The following LINGO1 variants were observed in gnomAD, a reference collection of about 807,000 sequenced individuals.
LINGO1 encodes leucine rich repeat and Ig domain containing 1.
In LINGO1, 11 loss-of-function variants were observed where a neutral mutation model predicts 37.3. The observed-to-expected ratio is 0.29, with a 90% confidence interval of 0.19 to 0.49. LINGO1 has a LOEUF of 0.49. Ranked by LOEUF, LINGO1 falls within the 20% of genes least tolerant of loss-of-function variation. The pLI is 0.99. For missense variants in LINGO1, 585 were observed against 878.2 expected (o/e 0.67, Z 4.22); for synonymous variants, 387 against 403.0 (o/e 0.96, Z 0.48).
chr15:77,728,498 C>T (rs1041419505), intron 2 of LINGO1, among the ~76,000 whole-genome samples: 3 of 152,252 alleles, frequency 2.0e-5, no homozygotes, highest in African/African-American at 7.2e-5. Context: ...CACTCCTACC[C>T]TCTCCTCCCA....
At chr15:77,795,781 C>T (rs1051661565) in intron 2 of LINGO1, among the ~76,000 whole-genome samples, 4 of 152,250 alleles carry the variant, frequency 2.6e-5, no homozygotes, top group Non-Finnish European at 4.4e-5. Context: ...CTGCTTCAGC[C>T]AGGTCTGGCA....
chr15:77,739,668 A>G (rs2141346243), intron 1 of LINGO1, among the ~76,000 whole-genome samples: 1 of 152,342 alleles, frequency 6.6e-6, no homozygotes, highest in South Asian at 2.1e-4. Flanking sequence ...GTTACCAGCC[A>G]GCCTGGGGGT....
chr15:77,641,978 G>A (rs1242337576), intron 3 of LINGO1: 1 of 456,690 alleles, frequency 2.2e-6, no homozygotes, highest in Non-Finnish European at 4.4e-6. Flanking sequence ...TGCCCTCTCT[G>A]AGCCGCTTTC....
chr15:77,747,827 AT>A lies in LINGO1; in HGVS notation c.-256-12775del, dbSNP rs1464891458. 2.0e-5 allele frequency among the ~76,000 whole-genome samples: 3 copies of A among 152,282 alleles called. No individual in the cohort carries two copies. In the East Asian group the frequency reaches 5.8e-4, roughly 29 times the overall value. On this transcript the variant is annotated intron_variant, in intron 1 of 3. Transcript: ENST00000561686. ...TAAAGTCTCTTATTAAAGTGAAACT[AT>A]CCCAGAGAGAATCATACCCTCAGTC...
chr15:77,668,475 G>C (rs1323073338), intron 3 of LINGO1, among the ~76,000 whole-genome samples: 1 of 152,130 alleles, frequency 6.6e-6, no homozygotes, highest in Non-Finnish European at 1.5e-5. Context: ...TGTCACGCAG[G>C]GCAGCCCTTC....
upstream of LINGO1, chr15:77,634,195 C>A: frequency 2.2e-6 from 1 of 453,698 alleles, no homozygotes; most frequent in Admixed American, 2.4e-5. Flanking sequence ...CTGGTTGCCA[C>A]GGAGGGACCT....
chr15:77,729,431 T>C (rs1313774364), intron 2 of LINGO1, among the ~76,000 whole-genome samples: 1 of 152,130 alleles, frequency 6.6e-6, no homozygotes, highest in East Asian at 1.9e-4. Context: ...TAACCCTTGC[T>C]CCTCCCTGTG....
rs539425012 is a variant in LINGO1 at position 77,723,856 on chromosome 15, G to A, written c.-195+11136C>T. ...GGGGGCAACAGTTCCAAACGGAGCC[G>A]AGGCGGCTGTGAGGTAAGTCGGGGC... On this transcript the variant is annotated intron_variant, in intron 2 of 3. Coordinates refer to the LINGO1 transcript ENST00000561686. 3.3e-5 allele frequency among the ~76,000 whole-genome samples: 5 copies of A among 152,296 alleles called. No individual in the cohort carries two copies. In the South Asian group the frequency reaches 6.2e-4, roughly 19 times the overall value.
chr15:77,726,079 C>G (rs924020434), intron 2 of LINGO1, among the ~76,000 whole-genome samples: 4 of 152,248 alleles, frequency 2.6e-5, no homozygotes, highest in Admixed American at 1.3e-4. Context: ...GCACCTTCAT[C>G]TGAGTCATCG....
chr15:77,799,749 C>G (rs1332113921), intron 1 of LINGO1, among the ~76,000 whole-genome samples: 1 of 152,232 alleles, frequency 6.6e-6, no homozygotes, highest in Non-Finnish European at 1.5e-5. Flanking sequence ...GTCCCTATCT[C>G]TGTCAGCAGC....
chr15:77,688,632 G>A (rs1482965704), intron 2 of LINGO1, among the ~76,000 whole-genome samples: 1 of 152,162 alleles, frequency 6.6e-6, no homozygotes, highest in Non-Finnish European at 1.5e-5. Context: ...CCTAGCATTT[G>A]GCTGCAGTCG....
chr15:77,728,926 C>T (rs564406278), intron 2 of LINGO1, among the ~76,000 whole-genome samples: 5 of 152,382 alleles, frequency 3.3e-5, no homozygotes, highest in African/African-American at 9.6e-5. Context: ...GCTGTTATTA[C>T]TCTGGGTCTG....
At chr15:77,709,673 C>A (rs1370981116) in intron 2 of LINGO1, among the ~76,000 whole-genome samples, 5 of 152,264 alleles carry the variant, frequency 3.3e-5, no homozygotes, top group African/African-American at 1.2e-4. Flanking sequence ...TTTCCCAACT[C>A]TCTCCTGAAG....
chr15:77,762,651 C>T (rs1596200910), intron 1 of LINGO1, among the ~76,000 whole-genome samples: 1 of 152,272 alleles, frequency 6.6e-6, no homozygotes, highest in African/African-American at 2.4e-5. Context: ...TTTGGCCAAG[C>T]GGGACCACCC....
At chr15:77,622,984 C>T (rs1291541279) in intron 1 of LINGO1, among the ~76,000 whole-genome samples, 1 of 152,230 alleles carries the variant, frequency 6.6e-6, no homozygotes, top group Admixed American at 6.5e-5. Context: ...GGCCTCCTCT[C>T]CTGTGGCCCC....
chr15:77,722,651 CGGTTCTGTCTTTTAAAG>C (rs1422991247), intron 2 of LINGO1, among the ~76,000 whole-genome samples: 5 of 152,206 alleles, frequency 3.3e-5, no homozygotes, highest in African/African-American at 9.7e-5. Flanking sequence ...AATGGTATCA[CGGTTCTGTCTTTTAAAG>C]GGTCCTCATC....
intron 2 of LINGO1, among the ~76,000 whole-genome samples, chr15:77,713,752 G>A: frequency 6.6e-6 from 1 of 152,228 alleles, no homozygotes; most frequent in South Asian, 2.1e-4. Flanking sequence ...AAAGGTATAC[G>A]CGTCATCATG....
rs113716376 is a variant in LINGO1 at position 77,614,077 on chromosome 15, G to A, written c.1830C>T (p.Asp610=). 2,588 of 1,610,260 alleles carry A rather than the reference G, an allele frequency of 1.6e-3. 38 individuals carry two copies. The African/African-American group carries it at 0.027, about 17-fold the overall frequency. Residue 610 remains aspartate (D), a synonymous_variant, in exon 2 of 2, where the codon GAC becomes GAT. Transcript: ENST00000355300. ...TCTTCATGTTGAACTTGCGGGGCGC[G>A]TCGGCGGAGCTGATGCCTGCGTCCG... ...RKSDAGISSA[D]APRKFNMKMI
chr15:77,678,430 C>T (rs924422818), intron 2 of LINGO1, among the ~76,000 whole-genome samples: 5 of 152,212 alleles, frequency 3.3e-5, no homozygotes, highest in African/African-American at 7.2e-5. Context: ...GTCATCTAAA[C>T]GTAGCCCTCT....
Sources: allele counts gnomAD v4.1 joint callset (sites outside exome capture counted in the v4.1 genomes callset), GRCh38; gene constraint gnomAD v4.1.1; transcripts MANE v1.5; gene names NCBI Gene and HGNC (gene_info 2026-07-23, HGNC 2026-07-21).